The following RAP1A variants were observed in gnomAD, a reference collection of about 807,000 sequenced individuals.
RAP1A encodes ras-related protein Rap-1A.
A neutral mutation model predicts 26.4 loss-of-function variants in RAP1A; 6 were observed. The ratio of observed to expected loss-of-function variants is 0.23; its 90% CI spans 0.12 to 0.45. RAP1A has a LOEUF of 0.45. RAP1A is among the 20% of genes least tolerant of loss of function. RAP1A has a pLI of 0.99. For missense variants in RAP1A, 121 were observed against 217.2 expected (o/e 0.56, Z 2.78); for synonymous variants, 73 against 79.4 (o/e 0.92, Z 0.43).
At chr1:111,679,657 C>T (rs72697816) in intron 1 of RAP1A, among the ~76,000 whole-genome samples, 19,233 of 152,198 alleles carry the variant, frequency 0.13, 1,546 homozygotes, top group South Asian at 0.17. Flanking sequence ...GCTAAGATCA[C>T]TGGCTGGAAA....
At chr1:111,565,213 G>C (rs4839145) in intron 1 of RAP1A, among the ~76,000 whole-genome samples, 38,138 of 152,092 alleles carry the variant, frequency 0.25, 5,429 homozygotes, top group Non-Finnish European at 0.31. Flanking sequence ...ATGAACAAAG[G>C]GGGGGAGTGT....
chr1:111,581,857 A>C (rs1169328254), intron 1 of RAP1A, among the ~76,000 whole-genome samples: 1 of 152,238 alleles, frequency 6.6e-6, no homozygotes, highest in African/African-American at 2.4e-5. Context: ...ACTTTATATA[A>C]GCACTTAAAA....
intron 1 of RAP1A, among the ~76,000 whole-genome samples, chr1:111,642,769 G>A (rs1659934322): frequency 6.7e-6 from 1 of 150,022 alleles, no homozygotes; most frequent in Non-Finnish European, 1.5e-5. Context: ...TTACAGGCGT[G>A]AGCCGCCGTG....
chr1:111,703,348 G>T lies in RAP1A; in HGVS notation c.196G>T (p.Ala66Ser). ...TTTTAAATCATAGGAGCAATTTACA[G>T]CAATGAGGGATTTGTATATGAAGAA... ...LDTAGTEQFT[A>S]MRDLYMKNGQ... is the part of the protein sequence containing the mutation. Residue 66 changes from alanine to serine, a missense_variant, in exon 5 of 8, where the codon GCA (alanine) becomes TCA (serine). Physicochemically the swap from Ala to Ser is moderately conservative, Grantham distance 99. Coordinates refer to ENST00000369709, the MANE Select transcript of RAP1A (RefSeq NM_002884.4). 1 of 1,567,468 alleles carries T rather than the reference G, an allele frequency of 6.4e-7. No individual in the cohort carries two copies. Among genetic ancestry groups the T allele is most frequent in the Non-Finnish European group, 8.7e-7 (1 of 1,153,376 alleles).
At chr1:111,579,212 T>C (rs1658202196) in intron 1 of RAP1A, among the ~76,000 whole-genome samples, 1 of 152,158 alleles carries the variant, frequency 6.6e-6, no homozygotes, top group Non-Finnish European at 1.5e-5. Flanking sequence ...TCCAATCCTC[T>C]AATCACTTGG....
chr1:111,651,473 ATTT>A (rs5777070), intron 1 of RAP1A, among the ~76,000 whole-genome samples: 2 of 123,818 alleles, frequency 1.6e-5, no homozygotes, highest in Admixed American at 8.7e-5. Flanking sequence ...TATATATATA[ATTT>A]TTTTTTTTTT....
At chr1:111,580,319 C>G (rs1014033556) in intron 1 of RAP1A, among the ~76,000 whole-genome samples, 10 of 152,008 alleles carry the variant, frequency 6.6e-5, no homozygotes, top group Admixed American at 6.6e-4. Flanking sequence ...TGCTCCATGG[C>G]TAGATAAGAT....
Position 111,712,815 on chromosome 1 carries a change from G to GA in RAP1A, c.*415dup, listed in dbSNP as rs1394949413. 3 of 152,500 alleles carry GA rather than the reference G, an allele frequency of 2.0e-5. No homozygotes were observed. The highest frequency in any genetic ancestry group is 4.8e-5 in the African/African-American group (2 of 41,530). The allele number at this position is 152,500 out of a possible 1,614,324, so 9.4% of individuals were successfully genotyped here. ...AACCATTATACTTTATATCTGTAAT[G>GA]ATACTGATTATGAAATGTCCCCTCA... On this transcript the variant is annotated 3_prime_UTR_variant, in exon 8 of 8. Coordinates refer to ENST00000369709, the MANE Select transcript of RAP1A (RefSeq NM_002884.4).
At chr1:111,564,624 T>A (rs527913188) in intron 1 of RAP1A, among the ~76,000 whole-genome samples, 1 of 150,992 alleles carries the variant, frequency 6.6e-6, no homozygotes, top group East Asian at 2.0e-4. Flanking sequence ...ACCATTCTCC[T>A]GCCTCAGCCT....
intron 1 of RAP1A, among the ~76,000 whole-genome samples, chr1:111,689,823 C>T (rs373550526): frequency 2.0e-5 from 3 of 152,148 alleles, no homozygotes; most frequent in African/African-American, 7.2e-5. Flanking sequence ...GCACCCGCCA[C>T]CCGCCACCAC....
chr1:111,563,855 G>T, intron 1 of RAP1A: 1 of 1,612,838 alleles, frequency 6.2e-7, no homozygotes, highest in Non-Finnish European at 8.5e-7. Flanking sequence ...CTGTGACTCA[G>T]GACTCAAGCA....
At chr1:111,605,763 C>T (rs1658758505) in intron 1 of RAP1A, among the ~76,000 whole-genome samples, 1 of 152,202 alleles carries the variant, frequency 6.6e-6, no homozygotes, top group Admixed American at 6.5e-5. Flanking sequence ...CAGCAGTCTC[C>T]TGGGCCACAG....
intron 7 of RAP1A, among the ~76,000 whole-genome samples, chr1:111,711,144 T>A (rs512251): frequency 0.85 from 129,486 of 152,276 alleles, 55,169 homozygotes; most frequent in East Asian, 1. Flanking sequence ...GCCTTGATTC[T>A]ATAACTTTAA....
At chr1:111,685,467 A>G (rs569878305) in intron 1 of RAP1A, among the ~76,000 whole-genome samples, 1 of 152,348 alleles carries the variant, frequency 6.6e-6, no homozygotes, top group Non-Finnish European at 1.5e-5. Flanking sequence ...GGCGAAAGAC[A>G]TGAACAGACA....
chr1:111,657,558 CTA>C (rs1240186098), intron 1 of RAP1A, among the ~76,000 whole-genome samples: 1 of 152,072 alleles, frequency 6.6e-6, no homozygotes, highest in African/African-American at 2.4e-5. Flanking sequence ...ATCTTTCCTC[CTA>C]TGTTTTCTTC....
chr1:111,697,216 T>G (rs545145740), intron 3 of RAP1A, among the ~76,000 whole-genome samples: 62 of 152,260 alleles, frequency 4.1e-4, no homozygotes, highest in African/African-American at 1.5e-3. Flanking sequence ...GGTCAGAAAA[T>G]ATCTAAACTC....
chr1:111,607,590 T>C (rs1211849377), intron 1 of RAP1A, among the ~76,000 whole-genome samples: 10 of 141,076 alleles, frequency 7.1e-5, no homozygotes, highest in Non-Finnish European at 9.4e-5. Flanking sequence ...TAGGGGCGGC[T>C]GGGCAGAGGC....
chr1:111,600,606 C>T (rs1658653550), intron 1 of RAP1A, among the ~76,000 whole-genome samples: 1 of 152,152 alleles, frequency 6.6e-6, no homozygotes, highest in Non-Finnish European at 1.5e-5. Context: ...TTTGAAATTC[C>T]TTGTTAGGAC....
intron 1 of RAP1A, among the ~76,000 whole-genome samples, chr1:111,609,705 G>A (rs981510855): frequency 6.6e-6 from 1 of 152,002 alleles, no homozygotes; most frequent in Non-Finnish European, 1.5e-5. Context: ...GCATGCTCTC[G>A]GCTCACTGCA....
Sources: gnomAD v4.1 joint callset for allele counts (sites outside exome capture counted in the v4.1 genomes callset) on GRCh38, gnomAD v4.1.1 for gene constraint, MANE v1.5 for transcripts, NCBI Gene and HGNC (gene_info 2026-07-23, HGNC 2026-07-21) for gene names.